TOX: variants seen among roughly 807,000 people sequenced by gnomAD.
The protein encoded by TOX is thymocyte selection associated high mobility group box.
Under a neutral mutation model 53.7 loss-of-function variants are expected in TOX, and 11 were observed. That is an observed-to-expected ratio of 0.20 (90% CI 0.13 to 0.34). The LOEUF (loss-of-function observed/expected upper bound fraction) is 0.34, where lower values mean the gene tolerates loss of function less well. Among genes scored for constraint, TOX ranks in the 10% least tolerant of loss-of-function variants. The pLI, the probability that TOX is intolerant of heterozygous loss-of-function variation, is 1.00. For missense variants in TOX, 570 were observed against 664.6 expected (o/e 0.86, Z 1.56); for synonymous variants, 225 against 245.3 (o/e 0.92, Z 0.77).
chr8:58,994,351 G>A (rs78300448), intron 1 of TOX, among the ~76,000 whole-genome samples: 12,582 of 151,204 alleles, frequency 0.083, 584 homozygotes, highest in Middle Eastern at 0.17. Flanking sequence ...AATCAGTAAG[G>A]TCATATATCC....
chr8:58,992,055 G>A (rs1813463032), intron 1 of TOX: 1 of 152,228 alleles, frequency 6.6e-6, no homozygotes, highest in Non-Finnish European at 1.5e-5. Flanking sequence ...AAAAGTCCCT[G>A]GGCAACCTCA....
intron 3 of TOX, among the ~76,000 whole-genome samples, chr8:58,921,850 A>G (rs973589627): frequency 1.3e-5 from 2 of 152,174 alleles, no homozygotes; most frequent in Admixed American, 1.3e-4. Flanking sequence ...CACTACATAT[A>G]TTTTTATCTT....
chr8:59,115,735 A>T (rs1389660889), intron 1 of TOX, among the ~76,000 whole-genome samples: 1 of 152,166 alleles, frequency 6.6e-6, no homozygotes, highest in Non-Finnish European at 1.5e-5. Context: ...ATACAGCAAC[A>T]TGCCATCCGT....
intron 6 of TOX, among the ~76,000 whole-genome samples, chr8:58,816,027 T>TG (rs1810171520): frequency 1.3e-5 from 2 of 151,866 alleles, no homozygotes; most frequent in South Asian, 4.1e-4. Context: ...TTGTGGAGGG[T>TG]GGGGGACGGG....
At chr8:58,939,618 C>T in intron 2 of TOX, 74 bp from the exon 3 acceptor site, 2 of 1,476,696 alleles carry the variant, frequency 1.4e-6, no homozygotes, top group South Asian at 2.7e-5. Context: ...AAACACTTGA[C>T]CCTTTAGATA....
intron 3 of TOX, among the ~76,000 whole-genome samples, chr8:58,867,544 A>G (rs1358798765): frequency 1.3e-5 from 2 of 152,246 alleles, no homozygotes. Context: ...TAACCCAAGC[A>G]TCTTTTTCAC....
intron 1 of TOX, among the ~76,000 whole-genome samples, chr8:58,996,758 T>G (rs146740325): frequency 6.7e-4 from 102 of 152,348 alleles, no homozygotes; most frequent in African/African-American, 2.4e-3. Context: ...AAAACTATTC[T>G]TCATTTAATT....
intron 6 of TOX, among the ~76,000 whole-genome samples, chr8:58,820,994 A>T (rs896666489): frequency 1.8e-4 from 27 of 152,322 alleles, no homozygotes; most frequent in African/African-American, 5.5e-4. Flanking sequence ...TTGACAGTCC[A>T]ACCCCATATG....
At chr8:59,111,835 T>C (rs1805021060) in intron 1 of TOX, among the ~76,000 whole-genome samples, 1 of 152,130 alleles carries the variant, frequency 6.6e-6, no homozygotes, top group Admixed American at 6.5e-5. Flanking sequence ...TTCCAGACAG[T>C]TTCATAAAAG....
intron 2 of TOX, among the ~76,000 whole-genome samples, chr8:58,956,085 C>T (rs536568489): frequency 6.6e-6 from 1 of 152,244 alleles, no homozygotes; most frequent in African/African-American, 2.4e-5. Context: ...TGGGGGAAAG[C>T]CATGGCACAT....
chr8:59,061,441 G>A (rs774394317), intron 1 of TOX, among the ~76,000 whole-genome samples: 6 of 152,266 alleles, frequency 3.9e-5, no homozygotes, highest in Admixed American at 1.3e-4. Flanking sequence ...AAAAGATAAC[G>A]TTCAGTAAAG....
intron 2 of TOX, among the ~76,000 whole-genome samples, chr8:58,948,649 A>AG (rs1812564845): frequency 6.6e-6 from 1 of 152,198 alleles, no homozygotes; most frequent in Non-Finnish European, 1.5e-5. Context: ...CAATGTTTAA[A>AG]GGGGTAACTG....
At chr8:58,980,530 C>T (rs1813184541) in intron 1 of TOX, among the ~76,000 whole-genome samples, 1 of 152,192 alleles carries the variant, frequency 6.6e-6, no homozygotes, top group Non-Finnish European at 1.5e-5. Flanking sequence ...TATCCCTTTC[C>T]CCACTCTTAT....
chr8:58,955,249 G>A (rs1196806653), intron 2 of TOX, among the ~76,000 whole-genome samples: 2 of 152,092 alleles, frequency 1.3e-5, no homozygotes, highest in Non-Finnish European at 1.5e-5. Flanking sequence ...CACAATCTCA[G>A]AATCCTCTAA....
At chr8:58,903,648 T>G (rs984569265) in intron 3 of TOX, among the ~76,000 whole-genome samples, 1 of 152,180 alleles carries the variant, frequency 6.6e-6, no homozygotes, top group African/African-American at 2.4e-5. Context: ...ATATTTACAC[T>G]ACTAAAAGTC....
intron 1 of TOX, among the ~76,000 whole-genome samples, chr8:59,006,219 C>T (rs1813790080): frequency 6.6e-6 from 1 of 152,230 alleles, no homozygotes; most frequent in Admixed American, 6.5e-5. Context: ...TTACATATAA[C>T]TCCTAAGCCT....
chr8:58,875,771 T>G (rs1310855849), intron 3 of TOX, among the ~76,000 whole-genome samples: 1 of 152,226 alleles, frequency 6.6e-6, no homozygotes, highest in Non-Finnish European at 1.5e-5. Flanking sequence ...TTCAATTCTC[T>G]GTTAGCCACA....
intron 1 of TOX, among the ~76,000 whole-genome samples, chr8:59,091,437 T>C (rs1287003387): frequency 2.0e-5 from 3 of 152,104 alleles, no homozygotes; most frequent in African/African-American, 7.2e-5. Context: ...TCTCTTCCTC[T>C]ATTCACCCCT....
chr8:58,979,016 A>T (rs533039130), intron 1 of TOX, among the ~76,000 whole-genome samples: 1 of 152,358 alleles, frequency 6.6e-6, no homozygotes, highest in East Asian at 1.9e-4. Context: ...AGTCCCTACC[A>T]TACTGAGTAT....
Sources: allele counts gnomAD v4.1 joint callset (sites outside exome capture counted in the v4.1 genomes callset), GRCh38; gene constraint gnomAD v4.1.1; transcripts MANE v1.5; gene names NCBI Gene and HGNC (gene_info 2026-07-23, HGNC 2026-07-21).